Variants in MMP16 observed in about 807,000 individuals in gnomAD.
MMP16 encodes matrix metallopeptidase 16.
Under a neutral mutation model 67.8 loss-of-function variants are expected in MMP16, and 12 were observed. That is an observed-to-expected ratio of 0.18 (90% CI 0.11 to 0.29). The LOEUF is 0.29. MMP16 is among the 10% of genes least tolerant of loss of function. MMP16 has a pLI of 1.00. For synonymous variants in MMP16, 249 were observed against 255.9 expected (o/e 0.97, Z 0.26); for missense variants, 475 against 765.7 (o/e 0.62, Z 4.48).
chr8:88,320,916 C>T (rs1811450091), intron 1 of MMP16, among the ~76,000 whole-genome samples: 2 of 151,946 alleles, frequency 1.3e-5, no homozygotes, highest in Non-Finnish European at 2.9e-5. Context: ...TGTGGTGAAA[C>T]ACCAAGCAAA....
chr8:88,099,622 G>A, intron 6 of MMP16, among the ~76,000 whole-genome samples: 1 of 151,684 alleles, frequency 6.6e-6, no homozygotes, highest in East Asian at 1.9e-4. Context: ...AGGTAAAACA[G>A]TCTGGATCTA....
chr8:88,253,257 T>A (rs993580058), intron 1 of MMP16, among the ~76,000 whole-genome samples: 2 of 152,126 alleles, frequency 1.3e-5, no homozygotes, highest in Non-Finnish European at 2.9e-5. Context: ...ATTGCCCTCA[T>A]ACATAAGTAT....
intron 6 of MMP16, among the ~76,000 whole-genome samples, chr8:88,100,790 T>A (rs570939973): frequency 1.3e-5 from 2 of 152,146 alleles, no homozygotes; most frequent in Admixed American, 6.5e-5. Context: ...TGGAATACTA[T>A]GCAGCCATAA....
chr8:88,215,245 G>C (rs567586234), intron 1 of MMP16, among the ~76,000 whole-genome samples: 3 of 152,034 alleles, frequency 2.0e-5, no homozygotes, highest in African/African-American at 7.2e-5. Flanking sequence ...CAGCAGAATT[G>C]CTTGAACCCA....
At chr8:88,238,385 C>A (rs754444539) in intron 1 of MMP16, among the ~76,000 whole-genome samples, 32 of 151,954 alleles carry the variant, frequency 2.1e-4, no homozygotes, top group Non-Finnish European at 3.7e-4. Flanking sequence ...CAGCCGGGCC[C>A]AGTGGCTTGC....
At chr8:88,209,116 T>C (rs939168644) in intron 1 of MMP16, among the ~76,000 whole-genome samples, 3 of 152,076 alleles carry the variant, frequency 2.0e-5, no homozygotes, top group Admixed American at 1.3e-4. Flanking sequence ...GGAGGAAGGA[T>C]TGATACCATA....
chr8:88,113,097 C>G (rs1809366088), intron 6 of MMP16, among the ~76,000 whole-genome samples: 1 of 151,776 alleles, frequency 6.6e-6, no homozygotes, highest in Non-Finnish European at 1.5e-5. Flanking sequence ...AATGACATCC[C>G]TATTCATTAG....
chr8:88,133,412 C>G (rs944065593), intron 4 of MMP16, among the ~76,000 whole-genome samples: 8 of 151,828 alleles, frequency 5.3e-5, no homozygotes, highest in Non-Finnish European at 1.0e-4. Flanking sequence ...TAGGAGTTTT[C>G]AATAACCCTC....
chr8:88,179,324 A>C (rs777065698), intron 3 of MMP16, among the ~76,000 whole-genome samples: 143 of 152,202 alleles, frequency 9.4e-4, no homozygotes, highest in Admixed American at 1.9e-3. Context: ...TTAAATAATA[A>C]AACCACCAAC....
At chr8:88,134,201 A>C (rs28907607) in intron 4 of MMP16, among the ~76,000 whole-genome samples, 4 of 151,798 alleles carry the variant, frequency 2.6e-5, no homozygotes, top group Non-Finnish European at 5.9e-5. Context: ...TCTAACAAAA[A>C]TAATAACCAT....
At chr8:88,130,854 T>G (rs1808016611) in intron 4 of MMP16, among the ~76,000 whole-genome samples, 1 of 151,556 alleles carries the variant, frequency 6.6e-6, no homozygotes, top group African/African-American at 2.4e-5. Flanking sequence ...TCTAAGGAAA[T>G]AAATTTGTAT....
At chr8:88,115,611 G>A (rs928338768) in intron 6 of MMP16, among the ~76,000 whole-genome samples, 1 of 151,956 alleles carries the variant, frequency 6.6e-6, no homozygotes, top group Admixed American at 6.6e-5. Context: ...TACATAGACA[G>A]TATGTAAGTA....
intron 6 of MMP16, among the ~76,000 whole-genome samples, chr8:88,079,729 A>C (rs1808714911): frequency 6.6e-6 from 1 of 152,246 alleles, no homozygotes; most frequent in Non-Finnish European, 1.5e-5. Context: ...AGCCTTTGGG[A>C]ATGATTATGT....
At chr8:88,256,547 A>T (rs1810303469) in intron 1 of MMP16, among the ~76,000 whole-genome samples, 1 of 152,138 alleles carries the variant, frequency 6.6e-6, no homozygotes, top group Non-Finnish European at 1.5e-5. Flanking sequence ...TTATTTTTGA[A>T]TCAAACCGAC....
Position 88,041,548 on chromosome 8 carries a change from T to C in MMP16, c.1737A>G (p.Val579=). The C allele has an allele frequency of 6.2e-7, 1 of 1,614,116 alleles. No individual in the cohort carries two copies. Among genetic ancestry groups the C allele is most frequent in the Non-Finnish European group, 8.5e-7 (1 of 1,180,004 alleles). Residue 579 remains valine, a synonymous_variant, in exon 10 of 10, where the codon GTA becomes GTG. Coordinates refer to ENST00000286614, the MANE Select transcript of MMP16 (RefSeq NM_005941.5). This position sits in a 1 kb window ranked among gnomAD's most constrained non-coding sequence, Gnocchi z 6.0. ...TGAACTGGAACACAGTGTAAACCAA[T>C]ACAAGGAGGCATAAGGCCAAGATGC... The part of the protein sequence containing the change: ...IPCILALCLL[V]LVYTVFQFKR...
intron 4 of MMP16, among the ~76,000 whole-genome samples, chr8:88,137,488 A>AT (rs1449047003): frequency 6.6e-6 from 1 of 151,814 alleles, no homozygotes; most frequent in Non-Finnish European, 1.5e-5. Context: ...ATGTGCCTTC[A>AT]TTTTTTTGCC....
intron 4 of MMP16, among the ~76,000 whole-genome samples, chr8:88,125,727 T>C (rs1455702034): frequency 2.0e-5 from 3 of 152,074 alleles, no homozygotes; most frequent in East Asian, 1.9e-4. Context: ...AATTGCACCA[T>C]GCTAAAAACA....
intron 1 of MMP16, among the ~76,000 whole-genome samples, chr8:88,309,004 C>G (rs1454152965): frequency 6.6e-6 from 1 of 151,918 alleles, no homozygotes; most frequent in African/African-American, 2.4e-5. Context: ...TTTTACCCAG[C>G]AGATTAGGAA....
At position 88,263,835 on chromosome 8, in the gene MMP16, G is replaced by A. The variant is rs137884569; in HGVS notation, c.132+63240C>T. On this transcript the variant is annotated intron_variant, in intron 1 of 9. Transcript: ENST00000286614. ...GGGACCTTGACATACGAATTTTGTA[G>A]GGTCACAATTCAATCCATAACATCC... is the stretch of plus-strand genomic sequence containing the variant. Among the ~76,000 whole-genome samples the A allele has an allele frequency of 6.2e-3, 947 of 151,976 alleles. 6 individuals carry two copies. Among genetic ancestry groups the A allele is most frequent in the African/African-American group, 0.022 (898 of 41,424 alleles).
Sources: gnomAD v4.1 joint callset for allele counts (sites outside exome capture counted in the v4.1 genomes callset) on GRCh38, gnomAD v4.1.1 for gene constraint, Gnocchi (gnomAD v3.1) non-coding constraint, MANE v1.5 for transcripts, NCBI Gene and HGNC (gene_info 2026-07-23, HGNC 2026-07-21) for gene names.